Variants in CDC42EP3 observed in about 807,000 individuals in gnomAD.
CDC42EP3 encodes CDC42 effector protein 3, also known as CDC42 effector protein (Rho GTPase binding) 3.
In CDC42EP3, 4 loss-of-function variants were observed where a neutral mutation model predicts 15.5. That is an observed-to-expected ratio of 0.26 (90% CI 0.13 to 0.59). The LOEUF is 0.59. Among genes scored for constraint, CDC42EP3 ranks in the 20% least tolerant of loss-of-function variants. The pLI, the probability that CDC42EP3 is intolerant of heterozygous loss-of-function variation, is 0.89. For missense variants in CDC42EP3, 309 were observed against 311.2 expected (o/e 0.99, Z 0.05); for synonymous variants, 145 against 130.3 (o/e 1.11, Z -0.77).
chr2:37,664,876 A>G (rs1448769412), intron 1 of CDC42EP3, among the ~76,000 whole-genome samples: 3 of 152,130 alleles, frequency 2.0e-5, no homozygotes, highest in Middle Eastern at 3.2e-3. Context: ...AAATGGACAC[A>G]AAGAGGGAAA....
rs529077540 is a variant in CDC42EP3 at position 37,663,837 on chromosome 2, G to A, written c.-236+7589C>T. On this transcript the variant is annotated intron_variant, in intron 1 of 1. Transcript: ENST00000295324. The stretch of plus-strand genomic sequence containing the variant: ...GGAGACACAGACCCATCCTCAATCT[G>A]GGTGGGCACCATCTAATCAGCTGCC... Among the ~76,000 whole-genome samples the A allele has an allele frequency of 4.6e-5, 7 of 152,288 alleles. No homozygotes were observed. In the East Asian group the frequency reaches 1.2e-3, roughly 25 times the overall value.
At chr2:37,659,609 C>T (rs1480552570) in intron 1 of CDC42EP3, among the ~76,000 whole-genome samples, 2 of 152,190 alleles carry the variant, frequency 1.3e-5, no homozygotes, top group Non-Finnish European at 2.9e-5. Flanking sequence ...TTTGACAATA[C>T]AGTCCTCTGA....
At chr2:37,649,445 CAAAAAAAAAAAAAAAAAAAAAAA>C (rs57232687) in intron 1 of CDC42EP3, among the ~76,000 whole-genome samples, 1 of 48,154 alleles carries the variant, frequency 2.1e-5, no homozygotes, top group Non-Finnish European at 3.7e-5. Context: ...GGCCTTGTCT[CAAAAAAAAAAAAAAAAAAAAAAA>C]AAAAAAAAAA....
chr2:37,659,407 A>G (rs1293450958), intron 1 of CDC42EP3, among the ~76,000 whole-genome samples: 1 of 152,232 alleles, frequency 6.6e-6, no homozygotes, highest in African/African-American at 2.4e-5. Flanking sequence ...CTATCCATGC[A>G]GGGTAATAAT....
At chr2:37,659,163 C>T (rs1015599256) in intron 1 of CDC42EP3, among the ~76,000 whole-genome samples, 10 of 152,092 alleles carry the variant, frequency 6.6e-5, no homozygotes, top group Admixed American at 2.0e-4. Context: ...GGAGAGAGAA[C>T]GGAGATCTTA....
rs767454399 is a variant in CDC42EP3, at chr2:37,645,744, G to A, written c.*79C>T. ...AACCCAACACAAAACTGCAAATACA[G>A]CTCCGGAAGCCCTTCTCTTCAACTG... On this transcript the variant is annotated 3_prime_UTR_variant, in exon 2 of 2. Transcript: ENST00000295324. 1 of 1,131,998 alleles carries A rather than the reference G, an allele frequency of 8.8e-7. No homozygotes were observed. Among genetic ancestry groups the A allele is most frequent in the Non-Finnish European group, 1.2e-6 (1 of 811,310 alleles). 70.1% of individuals were successfully genotyped at this position (1,131,998 alleles called of 1,614,324 possible).
intron 1 of CDC42EP3, among the ~76,000 whole-genome samples, chr2:37,668,602 T>C (rs1051429631): frequency 2.0e-5 from 3 of 152,184 alleles, no homozygotes; most frequent in Admixed American, 1.3e-4. Context: ...GACTTTCACA[T>C]AGGATTAGCC....
chr2:37,661,084 G>A (rs150602376), intron 1 of CDC42EP3, among the ~76,000 whole-genome samples: 1 of 151,318 alleles, frequency 6.6e-6, no homozygotes, highest in African/African-American at 2.4e-5. Flanking sequence ...GCATATGTAT[G>A]TATACTATAT....
chr2:37,654,661 T>C (rs1440634173), intron 1 of CDC42EP3, among the ~76,000 whole-genome samples: 1 of 152,130 alleles, frequency 6.6e-6, no homozygotes, highest in Non-Finnish European at 1.5e-5. Context: ...TTATTCTGAG[T>C]TTCCTGTATG....
Position 37,645,223 on chromosome 2 carries a change from T to A in CDC42EP3, c.*600A>T, listed in dbSNP as rs1665411523. 6.6e-6 allele frequency: 1 copy of A among 152,620 alleles called. No homozygotes were observed. The highest frequency in any genetic ancestry group is 2.4e-5 in the African/African-American group (1 of 41,452). The allele number at this position is 152,620 out of a possible 1,614,324, so 9.5% of individuals were successfully genotyped here. On this transcript the variant is annotated 3_prime_UTR_variant, in exon 2 of 2. Coordinates refer to ENST00000295324, the MANE Select transcript of CDC42EP3 (RefSeq NM_006449.5). ...AACTTAGTTACAGTAATACTTTGCC[T>A]GTGTCTTACCAACATGTAGCTGACA...
chr2:37,668,987 T>C (rs547029218), intron 1 of CDC42EP3, among the ~76,000 whole-genome samples: 1 of 152,210 alleles, frequency 6.6e-6, no homozygotes, highest in African/African-American at 2.4e-5. Flanking sequence ...CATACTGCAT[T>C]TAAAAATAGA....
At chr2:37,657,960 T>C (rs1665931976) in intron 1 of CDC42EP3, among the ~76,000 whole-genome samples, 1 of 152,188 alleles carries the variant, frequency 6.6e-6, no homozygotes, top group African/African-American at 2.4e-5. Flanking sequence ...TTTTGCTCTA[T>C]CAGGTCAGAG....
In CDC42EP3 at chr2:37,644,316, G is replaced by A. The variant is rs975938381; in HGVS notation, c.*1507C>T. ...TTGAGAGAAGGAGCTGGTAGTTACTGTGTGCAAGTGTTTTTCTTTGATGGG... is the reference window on the plus strand; with the variant it reads ...TTGAGAGAAGGAGCTGGTAGTTACTATGTGCAAGTGTTTTTCTTTGATGGG... On this transcript the variant is annotated 3_prime_UTR_variant, in exon 2 of 2. Coordinates refer to ENST00000295324, the MANE Select transcript of CDC42EP3 (RefSeq NM_006449.5). 1 of 152,166 alleles carries A rather than the reference G, an allele frequency of 6.6e-6. No individual in the cohort carries two copies. Among genetic ancestry groups the A allele is most frequent in the Non-Finnish European group, 1.5e-5 (1 of 68,038 alleles). 9.4% of individuals were successfully genotyped at this position (152,166 alleles called of 1,614,324 possible).
Position 37,645,931 on chromosome 2 carries a change from C to A in CDC42EP3, c.657G>T (p.Lys219Asn). Reference protein sequence around the residue: ...TPCELIKGKTKSEESLSDLTG... With the variant: ...TPCELIKGKTNSEESLSDLTG... ...TAAGGTCAGAGAGGGACTCCTCTGA[C>A]TTAGTCTTTCCCTTGATGAGCTCGC... Residue 219 changes from lysine (K) to asparagine (N), a missense_variant, in exon 2 of 2, where the codon AAG becomes AAT. Transcript: ENST00000295324. 3.7e-6 allele frequency: 6 copies of A among 1,613,884 alleles called. No individual in the cohort carries two copies. Among genetic ancestry groups the A allele is most frequent in the Non-Finnish European group, 4.2e-6 (5 of 1,179,870 alleles).
rs1421748971 is a variant in CDC42EP3 at position 37,663,168 on chromosome 2, CAAAAACAAAA to C, written c.-236+8248_-236+8257del. ...CAACTGAGTGAGTGAAACTCGGTCT[CAAAAACAAAA>C]CAAAACAAAACAAAACAAAAAAAAC... On this transcript the variant is annotated intron_variant, in intron 1 of 1. Coordinates refer to ENST00000295324, the MANE Select transcript of CDC42EP3 (RefSeq NM_006449.5). Among the ~76,000 whole-genome samples, 15 of 148,960 alleles carry C rather than the reference CAAAAACAAAA, an allele frequency of 1.0e-4. No homozygotes were observed. In the South Asian group the frequency reaches 1.5e-3, roughly 14 times the overall value.
Position 37,643,859 on chromosome 2 carries a change from G to A in CDC42EP3, c.*1964C>T, listed in dbSNP as rs1181334074. On this transcript the variant is annotated 3_prime_UTR_variant, in exon 2 of 2. Transcript: ENST00000295324. ...AAAACACTGGAGAGTCATGGATAACGAAATACAACTGAGAAGTTACGGAAA... is the reference window on the plus strand; with the variant it reads ...AAAACACTGGAGAGTCATGGATAACAAAATACAACTGAGAAGTTACGGAAA... The A allele has an allele frequency of 6.6e-6, 1 of 152,016 alleles. No individual in the cohort carries two copies. Among genetic ancestry groups the A allele is most frequent in the African/African-American group, 2.4e-5 (1 of 41,400 alleles). The allele number at this position is 152,016 out of a possible 1,614,324, so 9.4% of individuals were successfully genotyped here.
At chr2:37,658,514 G>A (rs1006686636) in intron 1 of CDC42EP3, among the ~76,000 whole-genome samples, 1 of 152,098 alleles carries the variant, frequency 6.6e-6, no homozygotes, top group African/African-American at 2.4e-5. Context: ...TTATATTCCA[G>A]ACTTCTCTAC....
chr2:37,654,547 G>A (rs902403677), intron 1 of CDC42EP3, among the ~76,000 whole-genome samples: 2 of 152,088 alleles, frequency 1.3e-5, no homozygotes, highest in African/African-American at 4.8e-5. Context: ...CTGGGGTGGG[G>A]AGGGGACAGC....
At chr2:37,649,076 TAAAAAAAAAAAA>T (rs112109458) in intron 1 of CDC42EP3, among the ~76,000 whole-genome samples, 15 of 135,902 alleles carry the variant, frequency 1.1e-4, no homozygotes, top group Non-Finnish European at 2.1e-4. Flanking sequence ...TCCAATTATT[TAAAAAAAAAAAA>T]AAAAATCGAT....
Sources: gnomAD v4.1 joint callset for allele counts (sites outside exome capture counted in the v4.1 genomes callset) on GRCh38, gnomAD v4.1.1 for gene constraint, MANE v1.5 for transcripts, NCBI Gene and HGNC (gene_info 2026-07-23, HGNC 2026-07-21) for gene names.